The following NFIA variants were observed in gnomAD, a reference collection of about 807,000 sequenced individuals.
NFIA encodes nuclear factor 1 A-type.
NFIA carries 8 observed loss-of-function variants against 62.8 expected under a neutral mutation model. The observed-to-expected ratio is 0.13, with a 90% CI of 0.07 to 0.23. NFIA has a LOEUF of 0.23. Ranked by LOEUF, NFIA falls within the 10% of genes least tolerant of loss-of-function variation. The probability of loss-of-function intolerance (pLI) is 1.00; values close to 1 mark genes in which losing one functional copy is unlikely to be tolerated. For missense variants in NFIA, 410 were observed against 642.1 expected (o/e 0.64, Z 3.91); for synonymous variants, 235 against 238.1 (o/e 0.99, Z 0.12).
intron 2 of NFIA, among the ~76,000 whole-genome samples, chr1:61,129,484 C>T (rs1035826626): frequency 5.0e-5 from 7 of 139,638 alleles, no homozygotes; most frequent in Admixed American, 1.5e-4. Flanking sequence ...GAGTCTCACT[C>T]TGTCGCCCTG....
At chr1:61,242,947 G>T (rs1240154376) in intron 2 of NFIA, among the ~76,000 whole-genome samples, 1 of 151,994 alleles carries the variant, frequency 6.6e-6, no homozygotes, top group Non-Finnish European at 1.5e-5. Flanking sequence ...CCCTTAGGTG[G>T]TGTGTACATT....
rs1023498834 is a variant in NFIA, at chr1:61,307,322, A to T, written c.626-25190A>T. Among the ~76,000 whole-genome samples, 8 of 152,318 alleles carry T rather than the reference A, an allele frequency of 5.3e-5. No homozygotes were observed. The East Asian group carries it at 1.2e-3, about 22-fold the overall frequency. On this transcript the variant is annotated intron_variant, in intron 3 of 10. Coordinates refer to ENST00000403491, the MANE Select transcript of NFIA (RefSeq NM_001134673.4). The stretch of plus-strand genomic sequence containing the variant: ...CAGAGAGCTAGCTAGCCCTTCTGCC[A>T]CGTGAGGATGTGGACGGTGTGATCT...
chr1:61,374,543 C>A (rs918625476), intron 6 of NFIA, among the ~76,000 whole-genome samples: 3 of 152,118 alleles, frequency 2.0e-5, no homozygotes, highest in African/African-American at 7.2e-5. Context: ...TGTGTCTATT[C>A]TTTACTCTCT....
intron 2 of NFIA, among the ~76,000 whole-genome samples, chr1:61,205,352 G>A (rs139260130): frequency 6.6e-6 from 1 of 152,236 alleles, no homozygotes; most frequent in Non-Finnish European, 1.5e-5. Flanking sequence ...TGATTCAAGA[G>A]GTGTTTCATC....
chr1:61,441,911 C>G (rs1251155385), intron 10 of NFIA, among the ~76,000 whole-genome samples: 1 of 151,858 alleles, frequency 6.6e-6, no homozygotes, highest in Admixed American at 6.6e-5. Flanking sequence ...GTCATTGTTC[C>G]CTTTCCCCCA....
At chr1:61,136,892 G>T (rs1268201946) in intron 2 of NFIA, among the ~76,000 whole-genome samples, 1 of 152,044 alleles carries the variant, frequency 6.6e-6, no homozygotes, top group African/African-American at 2.4e-5. Context: ...TTCCTGAAGA[G>T]GCTTTATAAG....
chr1:61,265,676 A>G (rs1657112354), intron 2 of NFIA, among the ~76,000 whole-genome samples: 1 of 152,244 alleles, frequency 6.6e-6, no homozygotes, highest in Non-Finnish European at 1.5e-5. Context: ...TCTAAAATAC[A>G]TATTTTTAAG....
rs1220302779 is a variant in NFIA at position 61,406,709 on chromosome 1, G to C, written c.1402G>C (p.Ala468Pro). The C allele has an allele frequency of 6.2e-7, 1 of 1,610,720 alleles. No individual in the cohort carries two copies. Among genetic ancestry groups the C allele is most frequent in the Non-Finnish European group, 8.5e-7 (1 of 1,178,512 alleles). The change falls in exon 9 of 11, where the codon GCC becomes CCC. Residue 468 changes from alanine to proline, a missense_variant. Coordinates refer to ENST00000403491, the MANE Select transcript of NFIA (RefSeq NM_001134673.4). ...PPTTSTEGGA[A>P]SPTSPTYSTP... is the part of the protein sequence containing the mutation. Reference sequence around the variant, plus strand: ...AACCACGTCAACAGAAGGAGGTGCAGCCTCCCCCACGTCACCAAGTAAGTA... The same window carrying C: ...AACCACGTCAACAGAAGGAGGTGCACCCTCCCCCACGTCACCAAGTAAGTA...
At chr1:61,283,777 A>G (rs781760028) in intron 3 of NFIA, among the ~76,000 whole-genome samples, 31 of 151,958 alleles carry the variant, frequency 2.0e-4, no homozygotes, top group Non-Finnish European at 3.5e-4. Flanking sequence ...TCACATGTAT[A>G]GTAGATATAT....
intron 2 of NFIA, among the ~76,000 whole-genome samples, chr1:61,143,520 A>C (rs1647693866): frequency 6.6e-6 from 1 of 152,020 alleles, no homozygotes; most frequent in Non-Finnish European, 1.5e-5. Flanking sequence ...CTCCCAGGTA[A>C]CTGGGGCTAC....
At chr1:61,201,271 C>T (rs372976729) in intron 2 of NFIA, among the ~76,000 whole-genome samples, 3 of 152,162 alleles carry the variant, frequency 2.0e-5, no homozygotes, top group African/African-American at 4.8e-5. Context: ...TCGACACATC[C>T]GCTCCTCTAT....
intron 9 of NFIA, among the ~76,000 whole-genome samples, chr1:61,420,651 T>A (rs1185676458): frequency 6.6e-6 from 1 of 152,194 alleles, no homozygotes; most frequent in East Asian, 1.9e-4. Flanking sequence ...AAGCCTATTT[T>A]GAATAAAATT....
intron 2 of NFIA, among the ~76,000 whole-genome samples, chr1:61,229,760 C>T (rs1468025493): frequency 3.3e-5 from 5 of 152,010 alleles, no homozygotes; most frequent in Non-Finnish European, 7.4e-5. Context: ...GTGTGAAAAC[C>T]TTACTAAAAA....
At chr1:61,176,650 A>G (rs1371254675) in intron 2 of NFIA, among the ~76,000 whole-genome samples, 1 of 151,376 alleles carries the variant, frequency 6.6e-6, no homozygotes, top group African/African-American at 2.4e-5. Context: ...AAAACTACAT[A>G]GATGAATACT....
At chr1:61,382,110 A>G (rs1000780721) in intron 6 of NFIA, among the ~76,000 whole-genome samples, 2 of 152,150 alleles carry the variant, frequency 1.3e-5, no homozygotes, top group Non-Finnish European at 2.9e-5. Flanking sequence ...TTGTGCTACA[A>G]CCTTAAGAGA....
chr1:61,398,125 A>C (rs1352318500), intron 7 of NFIA, among the ~76,000 whole-genome samples: 3 of 152,214 alleles, frequency 2.0e-5, no homozygotes, highest in Admixed American at 2.0e-4. Context: ...TTTGAAAATA[A>C]ACTTTTATTG....
intron 2 of NFIA, among the ~76,000 whole-genome samples, chr1:61,235,463 AAAATAAAT>A (rs200048964): frequency 0.011 from 1,391 of 121,514 alleles, 18 homozygotes; most frequent in African/African-American, 0.039. Flanking sequence ...ACTCCATCTC[AAAATAAAT>A]AAATAAATAA....
At chr1:61,262,526 A>G (rs559531396) in intron 2 of NFIA, among the ~76,000 whole-genome samples, 66 of 152,368 alleles carry the variant, frequency 4.3e-4, no homozygotes, top group African/African-American at 1.5e-3. Context: ...AAGAATGTAT[A>G]TCTACAATGG....
At chr1:61,179,739 G>C (rs1479742324) in intron 2 of NFIA, among the ~76,000 whole-genome samples, 1 of 152,140 alleles carries the variant, frequency 6.6e-6, no homozygotes, top group Non-Finnish European at 1.5e-5. Context: ...TCTGGTTTCT[G>C]GCCTACTGAG....
Sources: allele counts gnomAD v4.1 joint callset (sites outside exome capture counted in the v4.1 genomes callset), GRCh38; gene constraint gnomAD v4.1.1; transcripts MANE v1.5; gene names NCBI Gene and HGNC (gene_info 2026-07-23, HGNC 2026-07-21).